The following BTBD9 variants were observed in gnomAD, a reference collection of about 807,000 sequenced individuals.
BTBD9 encodes BTB/POZ domain-containing protein 9.
Under a neutral mutation model 64.3 loss-of-function variants are expected in BTBD9, and 49 were observed. The ratio of observed to expected loss-of-function variants is 0.76; its 90% CI spans 0.61 to 0.97. The LOEUF (loss-of-function observed/expected upper bound fraction) is 0.97. Among genes scored for constraint, BTBD9 ranks in the 50% least tolerant of loss-of-function variants. The pLI, the probability that BTBD9 is intolerant of heterozygous loss-of-function variation, is 0.00. For missense variants in BTBD9, 598 were observed against 762.1 expected, an observed-to-expected ratio of 0.78 and a Z score of 2.53; for synonymous variants, 260 against 274.7, an observed-to-expected ratio of 0.95 and a Z score of 0.53.
At chr6:38,465,461 C>CAAAAAAAAA (rs762391834) in intron 6 of BTBD9, among the ~76,000 whole-genome samples, 3 of 67,490 alleles carry the variant, frequency 4.4e-5, no homozygotes, top group Non-Finnish European at 9.3e-5. Flanking sequence ...ACTAAAAATA[C>CAAAAAAAAA]AAAAAAAAAA....
intron 1 of BTBD9, among the ~76,000 whole-genome samples, chr6:38,609,711 TCA>T (rs1046377494): frequency 2.6e-5 from 4 of 152,236 alleles, no homozygotes; most frequent in Non-Finnish European, 5.9e-5. Context: ...ACTGCTATCC[TCA>T]GTTTTGAACA....
chr6:38,502,981 A>G (rs766449422), intron 6 of BTBD9, among the ~76,000 whole-genome samples: 1 of 152,214 alleles, frequency 6.6e-6, no homozygotes, highest in African/African-American at 2.4e-5. Context: ...GCTCCACACT[A>G]TGGAAACAGA....
chr6:38,590,620 T>C (rs954976862), intron 4 of BTBD9, among the ~76,000 whole-genome samples: 1 of 152,178 alleles, frequency 6.6e-6, no homozygotes, highest in Admixed American at 6.5e-5. Flanking sequence ...AAGTTACAAC[T>C]TGCAACCCCA....
At chr6:38,273,212 T>G (rs1765253387) in intron 8 of BTBD9, among the ~76,000 whole-genome samples, 1 of 152,218 alleles carries the variant, frequency 6.6e-6, no homozygotes, top group East Asian at 1.9e-4. Flanking sequence ...TTCTTACCAC[T>G]ATAATGTAAG....
chr6:38,349,114 C>T (rs531395192), intron 6 of BTBD9, among the ~76,000 whole-genome samples: 19 of 152,206 alleles, frequency 1.2e-4, no homozygotes, highest in Admixed American at 1.2e-3. Context: ...TCTCAAACTT[C>T]TGGGCTGAAA....
chr6:38,231,060 G>A (rs1040797818), intron 9 of BTBD9, among the ~76,000 whole-genome samples: 1 of 152,102 alleles, frequency 6.6e-6, no homozygotes, highest in African/African-American at 2.4e-5. Flanking sequence ...TTTGTTGAAT[G>A]GTGAGAATTA....
intron 6 of BTBD9, among the ~76,000 whole-genome samples, chr6:38,458,028 T>G (rs1266553390): frequency 6.6e-6 from 1 of 152,172 alleles, no homozygotes; most frequent in Non-Finnish European, 1.5e-5. Context: ...CTAAGGAGAC[T>G]GTAGTCCCAG....
chr6:38,320,893 A>C (rs1014131411), intron 7 of BTBD9, among the ~76,000 whole-genome samples: 3 of 152,226 alleles, frequency 2.0e-5, no homozygotes, highest in African/African-American at 7.2e-5. Context: ...AGGAAGAACC[A>C]ATAACAATTC....
At chr6:38,549,767 C>G (rs1774713482) in intron 6 of BTBD9, among the ~76,000 whole-genome samples, 1 of 152,150 alleles carries the variant, frequency 6.6e-6, no homozygotes, top group South Asian at 2.1e-4. Flanking sequence ...CCCAGTCCCT[C>G]TCTCCATTTT....
intron 6 of BTBD9, among the ~76,000 whole-genome samples, chr6:38,490,049 A>G (rs913722139): frequency 6.6e-6 from 1 of 152,200 alleles, no homozygotes; most frequent in African/African-American, 2.4e-5. Flanking sequence ...GAAGCTGGCT[A>G]ATGACCTATT....
intron 6 of BTBD9, among the ~76,000 whole-genome samples, chr6:38,445,421 A>T (rs1417800382): frequency 6.6e-6 from 1 of 152,248 alleles, no homozygotes; most frequent in Non-Finnish European, 1.5e-5. Flanking sequence ...GTCAAAGTCT[A>T]CCAGGAAGGG....
At chr6:38,564,367 G>A (rs1357519041) in intron 6 of BTBD9, among the ~76,000 whole-genome samples, 3 of 152,136 alleles carry the variant, frequency 2.0e-5, no homozygotes, top group African/African-American at 7.2e-5. Flanking sequence ...CAGGCACTCA[G>A]TATGTTTTTG....
At chr6:38,257,867 G>T (rs1764649059) in intron 8 of BTBD9, among the ~76,000 whole-genome samples, 1 of 151,942 alleles carries the variant, frequency 6.6e-6, no homozygotes, top group South Asian at 2.1e-4. Flanking sequence ...CTGGAAAAGT[G>T]CTATTTTTGA....
At chr6:38,482,050 GT>G (rs1771175155) in intron 6 of BTBD9, 1 of 152,166 alleles carries the variant, frequency 6.6e-6, no homozygotes, top group Non-Finnish European at 1.5e-5. Flanking sequence ...ATTTTGTTTT[GT>G]TGTGTTTCTT....
intron 8 of BTBD9, among the ~76,000 whole-genome samples, chr6:38,276,298 A>T (rs757489963): frequency 1.4e-5 from 2 of 144,756 alleles, no homozygotes; most frequent in Non-Finnish European, 3.0e-5. Context: ...GAATTGAACA[A>T]TGGAACACAT....
intron 6 of BTBD9, among the ~76,000 whole-genome samples, chr6:38,464,385 A>G (rs1372774975): frequency 1.3e-5 from 2 of 151,988 alleles, no homozygotes; most frequent in Non-Finnish European, 2.9e-5. Flanking sequence ...CATTCATGAA[A>G]AAAAAAAACC....
chr6:38,408,230 C>T (rs987062427), intron 6 of BTBD9, among the ~76,000 whole-genome samples: 21 of 152,188 alleles, frequency 1.4e-4, no homozygotes, highest in African/African-American at 5.1e-4. Context: ...TAGTGACATG[C>T]ACCTGCAGTC....
chr6:38,431,267 T>C (rs1036981773), intron 6 of BTBD9, among the ~76,000 whole-genome samples: 5 of 151,226 alleles, frequency 3.3e-5, no homozygotes, highest in Non-Finnish European at 7.3e-5. Context: ...TACACTAATA[T>C]TATGATTATG....
chr6:38,369,418 T>G (rs1316533959), intron 6 of BTBD9, among the ~76,000 whole-genome samples: 1 of 152,208 alleles, frequency 6.6e-6, no homozygotes, highest in Admixed American at 6.5e-5. Flanking sequence ...CCCTCAAGTC[T>G]TCTTTTCATG....
Sources: allele counts gnomAD v4.1 joint callset (sites outside exome capture counted in the v4.1 genomes callset), GRCh38; gene constraint gnomAD v4.1.1; transcripts MANE v1.5; gene names NCBI Gene and HGNC (gene_info 2026-07-23, HGNC 2026-07-21).